The following CHDH variants were observed in gnomAD, a reference collection of about 807,000 sequenced individuals.
CHDH encodes choline dehydrogenase.
CHDH carries 43 observed loss-of-function variants against 56.9 expected under a neutral mutation model. That is an observed-to-expected ratio of 0.76 (90% confidence interval 0.59 to 0.97). The LOEUF (loss-of-function observed/expected upper bound fraction) is 0.97, where lower values mean the gene tolerates loss of function less well. Among genes scored for constraint, CHDH ranks in the 50% least tolerant of loss-of-function variants. CHDH has a pLI of 0.00. For synonymous variants in CHDH, 364 were observed against 348.5 expected (o/e 1.04, Z -0.50); for missense variants, 816 against 821.1 (o/e 0.99, Z 0.08).
chr3:53,823,683 G>C lies in CHDH; in HGVS notation c.326C>G (p.Thr109Arg), dbSNP rs1436626680. ...CDDRYNWCYH[T>R]EVQRGLDGRV... ...GCCGTCCAGGCCCCGCTGCACCTCTGTGTGGTAGCACCAGTTGTACCTGTC... is the reference window on the plus strand; with the variant it reads ...GCCGTCCAGGCCCCGCTGCACCTCTCTGTGGTAGCACCAGTTGTACCTGTC... Residue 109 changes from threonine (T) to arginine (R), a missense_variant, in exon 3 of 9, where the codon ACA (threonine) becomes AGA (arginine). Thr to Arg is a moderately conservative substitution (Grantham distance 71, BLOSUM62 -1). Transcript: ENST00000315251. 1.3e-6 allele frequency: 2 copies of C among 1,548,178 alleles called. No homozygotes were observed. Among genetic ancestry groups the C allele is most frequent in the Admixed American group, 2.0e-5 (1 of 51,096 alleles).
At chr3:53,818,824 A>G in intron 8 of CHDH, 114 bp downstream of exon 8, 1 of 772,302 alleles carries the variant, frequency 1.3e-6, no homozygotes, top group Non-Finnish European at 2.3e-6. Flanking sequence ...GGGACGACAG[A>G]GGGTCACTTG....
At position 53,819,919 on chromosome 3, in the gene CHDH, A is replaced by G. The variant is rs1271561772; in HGVS notation, c.1121-245T>C. ...TCAGCTCTGCTCTCTACCAGGGCCA[A>G]TTCTGCCACTGCCCATGCCACCTGC... is the stretch of plus-strand genomic sequence containing the variant. On this transcript the variant is annotated intron_variant, in intron 6 of 8. Coordinates refer to ENST00000315251, the MANE Select transcript of CHDH (RefSeq NM_018397.5). This position sits in a 1 kb window ranked among gnomAD's most constrained non-coding sequence, Gnocchi z 5.4. Among the ~76,000 whole-genome samples, 2 of 152,208 alleles carry G rather than the reference A, an allele frequency of 1.3e-5. No individual in the cohort carries two copies. The highest frequency in any genetic ancestry group is 2.4e-5 in the African/African-American group (1 of 41,456).
At chr3:53,843,486 G>T (rs1468518960) in intron 1 of CHDH, among the ~76,000 whole-genome samples, 2 of 152,092 alleles carry the variant, frequency 1.3e-5, no homozygotes, top group African/African-American at 4.8e-5. Context: ...CCTAGGGTCT[G>T]GGTCAGGGCC....
intron 1 of CHDH, among the ~76,000 whole-genome samples, chr3:53,845,140 G>C (rs1698818480): frequency 6.6e-6 from 1 of 152,246 alleles, no homozygotes; most frequent in African/African-American, 2.4e-5. Flanking sequence ...CCCAGTCCCA[G>C]GCAGGGGTGC....
At chr3:53,833,873 C>A (rs575293895) in intron 2 of CHDH, among the ~76,000 whole-genome samples, 4 of 152,276 alleles carry the variant, frequency 2.6e-5, no homozygotes, top group African/African-American at 9.6e-5. Flanking sequence ...AGTCCTCCCG[C>A]GGCACTGGGC....
intron 5 of CHDH, among the ~76,000 whole-genome samples, 199 bp from the exon 6 acceptor site, chr3:53,820,807 A>ATG (rs2095624821): frequency 6.6e-6 from 1 of 152,198 alleles, no homozygotes; most frequent in South Asian, 2.1e-4. Flanking sequence ...CCTGCCTCGG[A>ATG]TGCTGCCAAG....
rs1217660902 is a variant in CHDH, at chr3:53,821,741, A to G, written c.891T>C (p.Gly297=). 2 of 1,613,860 alleles carry G rather than the reference A, an allele frequency of 1.2e-6. No individual in the cohort carries two copies. Among genetic ancestry groups the G allele is most frequent in the Non-Finnish European group, 8.5e-7 (1 of 1,179,896 alleles). Residue 297 remains glycine (G), a synonymous_variant, in exon 5 of 9, where the codon GGT becomes GGC. Coordinates refer to ENST00000315251, the MANE Select transcript of CHDH (RefSeq NM_018397.5). ...TGAGCAGCTGTGGAGAGTTGATGGC[A>G]CCTCCACTCAGAATCACCTCCTTGC... ...YASKEVILSG[G]AINSPQLLML... is the part of the protein sequence containing the mutation.
chr3:53,823,406 T>G lies in CHDH; in HGVS notation c.603A>C (p.Ala201=). The G allele has an allele frequency of 6.2e-7, 1 of 1,601,394 alleles. No homozygotes were observed. The change falls in exon 3 of 9, where the codon GCA becomes GCC. Residue 201 remains alanine, a synonymous_variant. Coordinates refer to ENST00000315251, the MANE Select transcript of CHDH (RefSeq NM_018397.5). Reference sequence around the variant, plus strand: ...CGGCCTGCTGCGTGGCCTCCAGGAATGCGCAGTGCAGCGGGTGGTTGGTCT... The same window carrying G: ...CGGCCTGCTGCGTGGCCTCCAGGAAGGCGCAGTGCAGCGGGTGGTTGGTCT... ...RGKTNHPLHC[A]FLEATQQAGY...
At chr3:53,836,247 AC>A (rs1253372602) in intron 2 of CHDH, among the ~76,000 whole-genome samples, 1 of 151,934 alleles carries the variant, frequency 6.6e-6, no homozygotes, top group Non-Finnish European at 1.5e-5. Flanking sequence ...ATCTCATGCC[AC>A]CCCCAACCCA....
rs1376176911 is a variant in CHDH at position 53,814,657 on chromosome 3, CTGTTTTTTTGT to C, written c.*3109_*3119del. The C allele has an allele frequency of 1.3e-5, 2 of 151,884 alleles. No individual in the cohort carries two copies. Among genetic ancestry groups the C allele is most frequent in the African/African-American group, 4.8e-5 (2 of 41,374 alleles). 9.4% of individuals were successfully genotyped at this position (151,884 alleles called of 1,614,324 possible). ...GGGACATGGTTGGGTGGAGAAGAAT[CTGTTTTTTTGT>C]TGTTTTTTTTTGAGACAGTCTCACT... is the stretch of plus-strand genomic sequence containing the variant. On this transcript the variant is annotated 3_prime_UTR_variant, in exon 9 of 9. Transcript: ENST00000315251.
chr3:53,839,143 G>T (rs911276873), intron 2 of CHDH, among the ~76,000 whole-genome samples: 1 of 152,210 alleles, frequency 6.6e-6, no homozygotes, highest in African/African-American at 2.4e-5. Context: ...TCACACACAT[G>T]AGGCAATTAA....
chr3:53,821,344 T>G (rs1056326617), intron 5 of CHDH, among the ~76,000 whole-genome samples: 3 of 152,206 alleles, frequency 2.0e-5, no homozygotes, highest in African/African-American at 7.2e-5. Flanking sequence ...AGAGCTGCCC[T>G]GGTGACACGC....
Position 53,819,641 on chromosome 3 carries a change from C to A in CHDH, c.1154G>T (p.Gly385Val). The change falls in exon 7 of 9, where the codon GGG (glycine) becomes GTG (valine). Residue 385 changes from glycine to valine, a missense_variant. Coordinates refer to ENST00000315251, the MANE Select transcript of CHDH (RefSeq NM_018397.5). The surrounding 1 kb of genome is among the most constrained non-coding windows in gnomAD (Gnocchi z 5.4). ...EGATAHLETG[G>V]FIRSQPGVPH... is the part of the protein sequence containing the mutation. ...GACCCCAGGCTGGCTGCGGATGAAC[C>A]CACCTGTTTCCAGATGGGCAGTGGC... 6.2e-7 allele frequency: 1 copy of A among 1,609,806 alleles called. No homozygotes were observed. Among genetic ancestry groups the A allele is most frequent in the Non-Finnish European group, 8.5e-7 (1 of 1,177,736 alleles).
At chr3:53,821,482 G>T (rs2095626364) in intron 5 of CHDH, among the ~76,000 whole-genome samples, 165 bp downstream of exon 5, 1 of 152,206 alleles carries the variant, frequency 6.6e-6, no homozygotes, top group Non-Finnish European at 1.5e-5. Context: ...AGGGATGACA[G>T]TGTCCAGTGA....
intron 2 of CHDH, among the ~76,000 whole-genome samples, chr3:53,830,600 A>G (rs1319016352): frequency 1.3e-5 from 2 of 152,282 alleles, no homozygotes; most frequent in East Asian, 3.9e-4. Flanking sequence ...AGCTAGACAG[A>G]AGATCAGTAA....
At chr3:53,821,598 T>TTTG in intron 5 of CHDH, 49 bp downstream of exon 5, 2 of 1,569,540 alleles carry the variant, frequency 1.3e-6, no homozygotes. Flanking sequence ...CACTAAGCCT[T>TTTG]TTGTTGAGCA....
At chr3:53,829,671 TA>T (rs570489355) in intron 2 of CHDH, among the ~76,000 whole-genome samples, 3 of 152,144 alleles carry the variant, frequency 2.0e-5, no homozygotes, top group Non-Finnish European at 4.4e-5. Context: ...GGCAAGTGAA[TA>T]AAAAAGCTCT....
At position 53,822,655 on chromosome 3, in the gene CHDH, G is replaced by A. The variant is rs1387002858; in HGVS notation, c.704-13C>T. On this transcript the variant is annotated splice_polypyrimidine_tract_variant and intron_variant, in intron 3 of 8. Transcript: ENST00000315251. ...CTCCACCGTTTGCCTGCAGGATGGA[G>A]TGAGGTGGTCAGGCATGGCTCCGCC... 3 of 1,604,516 alleles carry A rather than the reference G, an allele frequency of 1.9e-6. No homozygotes were observed. The highest frequency in any genetic ancestry group is 2.2e-5 in the East Asian group (1 of 44,786).
chr3:53,836,093 C>T (rs767372901), intron 2 of CHDH, among the ~76,000 whole-genome samples: 28 of 152,332 alleles, frequency 1.8e-4, no homozygotes, highest in Non-Finnish European at 3.5e-4. Flanking sequence ...CGTCTGAATA[C>T]CCAGCCCTGT....
Sources: gnomAD v4.1 joint callset for allele counts (sites outside exome capture counted in the v4.1 genomes callset) on GRCh38, gnomAD v4.1.1 for gene constraint, Gnocchi (gnomAD v3.1) non-coding constraint, MANE v1.5 for transcripts, NCBI Gene and HGNC (gene_info 2026-07-23, HGNC 2026-07-21) for gene names.